SGO1: variants seen among roughly 807,000 people sequenced by gnomAD.
SGO1 encodes shugoshin 1.
In SGO1, 39 loss-of-function variants were observed where a neutral mutation model predicts 50.5. The observed-to-expected ratio is 0.77, with a 90% CI of 0.60 to 1.01. The LOEUF (loss-of-function observed/expected upper bound fraction) is 1.01. Ranked by LOEUF, SGO1 falls within the 50% of genes least tolerant of loss-of-function variation. The pLI, the probability that SGO1 is intolerant of heterozygous loss-of-function variation, is 0.00. For missense variants in SGO1, 638 were observed against 606.0 expected (o/e 1.05, Z -0.55); for synonymous variants, 191 against 205.1 (o/e 0.93, Z 0.59).
At chr3:20,166,842 CAAAAAAAAAAAA>C (rs58288144), downstream of SGO1, among the ~76,000 whole-genome samples, 2 of 42,736 alleles carry the variant, frequency 4.7e-5, no homozygotes, top group African/African-American at 9.7e-5. Flanking sequence ...CCATCTCTAC[CAAAAAAAAAAAA>C]AAAAAAAAAA....
chr3:20,174,769 G>C lies in SGO1; in HGVS notation c.762C>G (p.Asn254Lys), dbSNP rs1701186432. 2 of 1,614,018 alleles carry C rather than the reference G, an allele frequency of 1.2e-6. No homozygotes were observed. Among genetic ancestry groups the C allele is most frequent in the South Asian group, 1.1e-5 (1 of 91,078 alleles). The change falls in exon 6 of 8, where the codon AAC (asparagine) becomes AAG (lysine). Residue 254 changes from asparagine to lysine, a missense_variant. Physicochemically the swap from Asn to Lys is moderately conservative, Grantham distance 94. Coordinates refer to ENST00000412997, the MANE Select transcript of SGO1 (RefSeq NM_001199251.3). ...NACQWSKDQV[N>K]LSPKLIQPGT... ...CTGGCTGAATCAGCTTTGGTGATAA[G>C]TTAACTTGGTCCTTGCTCCATTGAC...
chr3:20,179,381 T>TACATAAAGC (rs1479532939), intron 3 of SGO1, among the ~76,000 whole-genome samples: 1 of 152,144 alleles, frequency 6.6e-6, no homozygotes, highest in African/African-American at 2.4e-5. Context: ...AGACAGACAG[T>TACATAAAGC]ACATAAAGCT....
chr3:20,182,357 CT>C (rs1208774714), intron 3 of SGO1, among the ~76,000 whole-genome samples: 1 of 152,098 alleles, frequency 6.6e-6, no homozygotes, highest in Non-Finnish European at 1.5e-5. Flanking sequence ...TATCCCTCCC[CT>C]AATCACAATG....
Position 20,170,117 on chromosome 3 carries a change from T to C in SGO1, c.*587A>G. 1 of 985,194 alleles carries C rather than the reference T, an allele frequency of 1.0e-6. No individual in the cohort carries two copies. Among genetic ancestry groups the C allele is most frequent in the Non-Finnish European group, 1.2e-6 (1 of 829,732 alleles). 61.0% of individuals were successfully genotyped at this position (985,194 alleles called of 1,614,324 possible). ...TTCTACAATGTTTGTATAAGATACA[T>C]TTTGGGCTGGGCACAGTGGCTCAGT... On this transcript the variant is annotated 3_prime_UTR_variant, in exon 8 of 8. Transcript: ENST00000412997.
At chr3:20,169,160 G>T (rs559440642), downstream of SGO1, 1 of 985,356 alleles carries the variant, frequency 1.0e-6, no homozygotes, top group East Asian at 1.1e-4. Flanking sequence ...AATACAGAAA[G>T]ATAGGGAGAT....
chr3:20,183,507 T>A lies in SGO1; in HGVS notation c.339+101A>T. 3.1e-6 allele frequency: 3 copies of A among 977,290 alleles called. 1 individual carries two copies. In the South Asian group the frequency reaches 5.1e-5, roughly 17 times the overall value. The allele number at this position is 977,290 out of a possible 1,614,324, so 60.5% of individuals were successfully genotyped here. ...AAGGATGTTTTAAACAATTCATGCATAACTGAGCTATCAGTAATTCATTTA... is the reference window on the plus strand; with the variant it reads ...AAGGATGTTTTAAACAATTCATGCAAAACTGAGCTATCAGTAATTCATTTA... On this transcript the variant is annotated intron_variant, in intron 3 of 7. Transcript: ENST00000412997.
chr3:20,174,996 T>C lies in SGO1; in HGVS notation c.535A>G (p.Lys179Glu), dbSNP rs1419086607. The change falls in exon 6 of 8, where the codon AAG (lysine) becomes GAG (glutamate). Residue 179 changes from lysine to glutamate, a missense_variant. Coordinates refer to ENST00000412997, the MANE Select transcript of SGO1 (RefSeq NM_001199251.3). Reference sequence around the variant, plus strand: ...CTAGGTAAGACATTATCAGTAGACTTAGCTTCACCTGAATCAAAATCAACT... The same window carrying C: ...CTAGGTAAGACATTATCAGTAGACTCAGCTTCACCTGAATCAAAATCAACT... ...LGVDFDSGEA[K>E]STDNVLPRTV... The C allele has an allele frequency of 2.5e-6, 4 of 1,597,626 alleles. No individual in the cohort carries two copies. Among genetic ancestry groups the C allele is most frequent in the African/African-American group, 2.7e-5 (2 of 74,488 alleles).
chr3:20,172,026 T>C (rs1700799392), intron 6 of SGO1, among the ~76,000 whole-genome samples: 1 of 152,248 alleles, frequency 6.6e-6, no homozygotes, highest in South Asian at 2.1e-4. Flanking sequence ...CTAAGAGCCA[T>C]ATGCTCCAGT....
chr3:20,175,257 A>G (rs1001488487), intron 5 of SGO1, among the ~76,000 whole-genome samples: 1 of 152,210 alleles, frequency 6.6e-6, no homozygotes, highest in African/African-American at 2.4e-5. Flanking sequence ...GATGGCTTAT[A>G]TCTGACATGT....
chr3:20,163,096 C>T (rs901650235), intron 8 of SGO1, among the ~76,000 whole-genome samples: 5 of 151,614 alleles, frequency 3.3e-5, no homozygotes, highest in Non-Finnish European at 7.4e-5. Context: ...CCAAAGTAGA[C>T]GGAAGAATGT....
chr3:20,171,392 G>A (rs1700729276), intron 6 of SGO1, 160 bp from the exon 7 acceptor site: 1 of 517,580 alleles, frequency 1.9e-6, no homozygotes. Flanking sequence ...AGGCTGAAGT[G>A]CAGTGGTGTG....
chr3:20,171,273 A>C lies in SGO1; in HGVS notation c.1283-41T>G, dbSNP rs753762337. Reference sequence around the variant, plus strand: ...TACTGAATATGATTTAAAAAAAAAAACCCACACAAAAACTTAAATTGTACT... The same window carrying C: ...TACTGAATATGATTTAAAAAAAAAACCCCACACAAAAACTTAAATTGTACT... On this transcript the variant is annotated intron_variant, in intron 6 of 7. Coordinates refer to ENST00000412997, the MANE Select transcript of SGO1 (RefSeq NM_001199251.3). The C allele has an allele frequency of 1.1e-5, 16 of 1,459,480 alleles. No homozygotes were observed. The Admixed American group carries it at 2.2e-4, about 20-fold the overall frequency. 90.4% of individuals were successfully genotyped at this position (1,459,480 alleles called of 1,614,324 possible).
At chr3:20,185,494 C>T (rs1350494606) in intron 1 of SGO1, among the ~76,000 whole-genome samples, 5 of 152,034 alleles carry the variant, frequency 3.3e-5, no homozygotes, top group Non-Finnish European at 5.9e-5. Flanking sequence ...GTACAGTACT[C>T]GTGTAAGCGC....
At chr3:20,165,700 G>A (rs1167365584), downstream of SGO1, among the ~76,000 whole-genome samples, 1 of 152,160 alleles carries the variant, frequency 6.6e-6, no homozygotes, top group Non-Finnish European at 1.5e-5. Context: ...GAAAATAGGT[G>A]TATACAAGAA....
chr3:20,174,353 G>C lies in SGO1; in HGVS notation c.1178C>G (p.Thr393Arg), dbSNP rs200157936. ...GGTGACTGGTCTATCTGAATTGCTC[G>C]TGGGATTCTGAATGTACTTGCAAGT... is the stretch of plus-strand genomic sequence containing the variant. Reference protein sequence around the residue: ...LPTCKYIQNPTSNSDRPVTRP... With the variant: ...LPTCKYIQNPRSNSDRPVTRP... The change falls in exon 6 of 8, where the codon ACG becomes AGG. Residue 393 changes from threonine to arginine, a missense_variant. Physicochemically the swap from Thr to Arg is moderately conservative, Grantham distance 71. Coordinates refer to ENST00000412997, the MANE Select transcript of SGO1 (RefSeq NM_001199251.3). The C allele has an allele frequency of 5.9e-4, 959 of 1,614,014 alleles. No homozygotes were observed. The highest frequency in any genetic ancestry group is 7.9e-4 in the Non-Finnish European group (936 of 1,180,020).
At chr3:20,186,866 C>G (rs1242555299), upstream of SGO1, among the ~76,000 whole-genome samples, 1 of 152,154 alleles carries the variant, frequency 6.6e-6, no homozygotes, top group Non-Finnish European at 1.5e-5. Context: ...ACTCTGCTTT[C>G]CAAGTTTCTC....
chr3:20,175,492 T>G (rs1461002889), intron 5 of SGO1, among the ~76,000 whole-genome samples: 3 of 152,154 alleles, frequency 2.0e-5, no homozygotes, highest in Non-Finnish European at 4.4e-5. Flanking sequence ...CATTCAATCT[T>G]TATAATCTTT....
chr3:20,176,428 AT>A (rs773429547), intron 5 of SGO1, among the ~76,000 whole-genome samples, 172 bp downstream of exon 5: 3 of 152,222 alleles, frequency 2.0e-5, no homozygotes, highest in Non-Finnish European at 4.4e-5. Context: ...CAATAAATAT[AT>A]TTTAACACTC....
At chr3:20,169,482 A>G (rs574776941), downstream of SGO1, 44 of 979,806 alleles carry the variant, frequency 4.5e-5, no homozygotes, top group Non-Finnish European at 5.2e-5. Flanking sequence ...GAAAGCAATC[A>G]CTATCTTATA....
Sources: allele counts gnomAD v4.1 joint callset (sites outside exome capture counted in the v4.1 genomes callset), GRCh38; gene constraint gnomAD v4.1.1; transcripts MANE v1.5; gene names NCBI Gene and HGNC (gene_info 2026-07-23, HGNC 2026-07-21).